VWC2L: variants seen among roughly 807,000 people sequenced by gnomAD.
VWC2L encodes von Willebrand factor C domain-containing protein 2-like.
In VWC2L, 10 loss-of-function variants were observed where a neutral mutation model predicts 21.6. The observed-to-expected ratio is 0.46, with a 90% CI of 0.29 to 0.78. The LOEUF is 0.78. Among genes scored for constraint, VWC2L ranks in the 30% least tolerant of loss-of-function variants. The pLI, the probability that VWC2L is intolerant of heterozygous loss-of-function variation, is 0.10. For missense variants in VWC2L, 209 were observed against 277.1 expected (o/e 0.75, Z 1.74); for synonymous variants, 96 against 94.3 (o/e 1.02, Z -0.10).
intron 3 of VWC2L, among the ~76,000 whole-genome samples, chr2:214,573,602 T>A (rs1355359221): frequency 6.6e-6 from 1 of 152,140 alleles, no homozygotes; most frequent in Non-Finnish European, 1.5e-5. Context: ...GAGAGAGGTC[T>A]GTCAACAACG....
At chr2:214,467,063 T>TC (rs1313532122) in intron 3 of VWC2L, among the ~76,000 whole-genome samples, 6 of 152,338 alleles carry the variant, frequency 3.9e-5, no homozygotes, top group African/African-American at 1.4e-4. Context: ...GGAAATACTT[T>TC]CCTCTTTTTA....
intron 3 of VWC2L, among the ~76,000 whole-genome samples, chr2:214,504,615 C>A (rs1688942178): frequency 6.6e-6 from 1 of 152,182 alleles, no homozygotes; most frequent in African/African-American, 2.4e-5. Flanking sequence ...GAAAATCGTA[C>A]CCCAGTATAA....
intron 3 of VWC2L, among the ~76,000 whole-genome samples, chr2:214,447,818 A>T (rs1157831092): frequency 6.6e-6 from 1 of 152,094 alleles, no homozygotes; most frequent in Admixed American, 6.6e-5. Flanking sequence ...GGGCTCTTGC[A>T]TCTCCACGTC....
intron 3 of VWC2L, among the ~76,000 whole-genome samples, chr2:214,442,153 G>C (rs886900377): frequency 7.9e-5 from 12 of 151,892 alleles, no homozygotes; most frequent in African/African-American, 2.4e-4. Flanking sequence ...ATTGTGATCC[G>C]CCTGCCTCGG....
At chr2:214,502,477 A>G (rs11680577) in intron 3 of VWC2L, among the ~76,000 whole-genome samples, 132,814 of 152,082 alleles carry the variant, frequency 0.87, 60,686 homozygotes, top group Non-Finnish European at 1. Flanking sequence ...GGCTGAGGCA[A>G]GAGAATCACT....
chr2:214,520,065 A>ACACACACACACGCG (rs369957621), intron 3 of VWC2L, among the ~76,000 whole-genome samples: 1 of 147,948 alleles, frequency 6.8e-6, no homozygotes, highest in Admixed American at 6.7e-5. Context: ...TTATACACAC[A>ACACACACACACGCG]CACACACACA....
chr2:214,439,081 T>C (rs774424475), intron 3 of VWC2L, among the ~76,000 whole-genome samples: 7 of 152,020 alleles, frequency 4.6e-5, no homozygotes, highest in Non-Finnish European at 1.0e-4. Flanking sequence ...TAGTCACATA[T>C]GCCCCAAAAC....
At chr2:214,571,729 TCTTTCA>T (rs1369899675) in intron 3 of VWC2L, among the ~76,000 whole-genome samples, 1 of 152,180 alleles carries the variant, frequency 6.6e-6, no homozygotes, top group East Asian at 1.9e-4. Flanking sequence ...TCTCTCATTC[TCTTTCA>T]TTCTTTCATT....
intron 2 of VWC2L, among the ~76,000 whole-genome samples, chr2:214,422,315 G>C (rs1483305355): frequency 6.6e-6 from 1 of 152,026 alleles, no homozygotes; most frequent in African/African-American, 2.4e-5. Context: ...GTGTGTGTGT[G>C]TGTGTGTTAA....
intron 3 of VWC2L, among the ~76,000 whole-genome samples, chr2:214,446,000 T>G (rs1232450742): frequency 3.3e-5 from 5 of 152,204 alleles, no homozygotes; most frequent in African/African-American, 1.2e-4. Context: ...ATTAGGGAAA[T>G]TGCTAAAATA....
rs1690222496 is a variant in VWC2L at position 214,575,897 on chromosome 2, A to C, written c.*77A>C. The C allele has an allele frequency of 6.8e-7, 1 of 1,480,334 alleles. No individual in the cohort carries two copies. The highest frequency in any genetic ancestry group is 2.1e-5 in the Admixed American group (1 of 47,692). The allele number at this position is 1,480,334 out of a possible 1,614,324, so 91.7% of individuals were successfully genotyped here. On this transcript the variant is annotated 3_prime_UTR_variant, in exon 4 of 4. Transcript: ENST00000312504. ...ACACTGCACATGTTTAACACAAAAC[A>C]AAACAAACAAACTCCTGCCAGCTAC...
chr2:214,441,373 T>C (rs1480925503), intron 3 of VWC2L, among the ~76,000 whole-genome samples: 1 of 151,950 alleles, frequency 6.6e-6, no homozygotes, highest in Non-Finnish European at 1.5e-5. Flanking sequence ...AAAGGAAATT[T>C]ACATAAGAAA....
chr2:214,432,422 A>G (rs1702614048), intron 2 of VWC2L, among the ~76,000 whole-genome samples: 1 of 152,310 alleles, frequency 6.6e-6, no homozygotes, highest in South Asian at 2.1e-4. Context: ...GGAAGGCCTG[A>G]GTCATCAGGG....
At chr2:214,538,932 T>C (rs1038089411) in intron 3 of VWC2L, among the ~76,000 whole-genome samples, 8 of 152,050 alleles carry the variant, frequency 5.3e-5, no homozygotes, top group Non-Finnish European at 1.2e-4. Flanking sequence ...AAACTCACAT[T>C]AAAACCTCTA....
chr2:214,527,383 C>A (rs1036279433), intron 3 of VWC2L, among the ~76,000 whole-genome samples: 1 of 152,058 alleles, frequency 6.6e-6, no homozygotes, highest in African/African-American at 2.4e-5. Flanking sequence ...CATGTACCCC[C>A]AAATCTAAAA....
chr2:214,474,119 T>C (rs1688463896), intron 3 of VWC2L, among the ~76,000 whole-genome samples: 1 of 152,018 alleles, frequency 6.6e-6, no homozygotes, highest in African/African-American at 2.4e-5. Context: ...TGATTTCCAA[T>C]AAAATTATTT....
At chr2:214,455,645 CT>C (rs1461410062) in intron 3 of VWC2L, among the ~76,000 whole-genome samples, 1 of 152,140 alleles carries the variant, frequency 6.6e-6, no homozygotes, top group Non-Finnish European at 1.5e-5. Flanking sequence ...CTTATTCCTT[CT>C]GTTTGTTTGT....
At chr2:214,429,860 G>A (rs1202711433) in intron 2 of VWC2L, among the ~76,000 whole-genome samples, 2 of 152,078 alleles carry the variant, frequency 1.3e-5, no homozygotes, top group South Asian at 4.2e-4. Context: ...GTCTTGCTCT[G>A]TTGTCCAGGC....
intron 3 of VWC2L, among the ~76,000 whole-genome samples, chr2:214,523,577 G>A (rs980414521): frequency 6.6e-6 from 1 of 152,136 alleles, no homozygotes; most frequent in South Asian, 2.1e-4. Flanking sequence ...GGTGGCTCAT[G>A]CCTGTAATCC....
Sources: allele counts gnomAD v4.1 joint callset (sites outside exome capture counted in the v4.1 genomes callset), GRCh38; gene constraint gnomAD v4.1.1; transcripts MANE v1.5; gene names NCBI Gene and HGNC (gene_info 2026-07-23, HGNC 2026-07-21).